The following CNTNAP2 variants were observed in gnomAD, a reference collection of about 807,000 sequenced individuals.
The protein encoded by CNTNAP2 is contactin-associated protein-like 2.
Under a neutral mutation model 155.2 loss-of-function variants are expected in CNTNAP2, and 98 were observed. The observed-to-expected ratio is 0.63, with a 90% CI of 0.54 to 0.75. The LOEUF (loss-of-function observed/expected upper bound fraction) is 0.75, where lower values mean the gene tolerates loss of function less well. Among genes scored for constraint, CNTNAP2 ranks in the 30% least tolerant of loss-of-function variants. The pLI, the probability that CNTNAP2 is intolerant of heterozygous loss-of-function variation, is 0.00. For synonymous variants in CNTNAP2, 651 were observed against 631.2 expected, an observed-to-expected ratio of 1.03 and a Z score of -0.47; for missense variants, 1,727 against 1,688.1, an observed-to-expected ratio of 1.02 and a Z score of -0.40.
intron 8 of CNTNAP2, among the ~76,000 whole-genome samples, chr7:147,211,163 C>T (rs976587429): frequency 6.6e-6 from 1 of 151,900 alleles, no homozygotes; most frequent in Admixed American, 6.6e-5. Flanking sequence ...AGTCAAATGT[C>T]AAATTTAAGT....
chr7:147,175,349 C>G (rs1244025311), intron 8 of CNTNAP2, among the ~76,000 whole-genome samples: 2 of 151,898 alleles, frequency 1.3e-5, no homozygotes, highest in African/African-American at 4.8e-5. Context: ...CTAGACTACT[C>G]TGGCCTGAAG....
At chr7:146,355,372 G>T (rs1794983345) in intron 1 of CNTNAP2, among the ~76,000 whole-genome samples, 1 of 152,098 alleles carries the variant, frequency 6.6e-6, no homozygotes, top group East Asian at 1.9e-4. Context: ...AACAGCATGG[G>T]GTTCCAATAA....
chr7:146,822,904 C>T (rs1803318383), intron 2 of CNTNAP2, among the ~76,000 whole-genome samples: 1 of 145,136 alleles, frequency 6.9e-6, no homozygotes, highest in Non-Finnish European at 1.5e-5. Context: ...TGGAAATATA[C>T]TCATTCTTCA....
chr7:148,019,072 C>T lies in CNTNAP2; in HGVS notation c.2383+41083C>T, dbSNP rs532790922. On this transcript the variant is annotated intron_variant, in intron 15 of 23. Coordinates refer to ENST00000361727, the MANE Select transcript of CNTNAP2 (RefSeq NM_014141.6). ...TGCCTCTCCCACAGCCTGGTACAGT[C>T]AGCTATAGAGTTCAGCCCTGAATAC... Among the ~76,000 whole-genome samples the T allele has an allele frequency of 2.0e-3, 301 of 152,272 alleles. 11 individuals are homozygous for T. The South Asian group carries it at 0.057, about 29-fold the overall frequency.
intron 15 of CNTNAP2, among the ~76,000 whole-genome samples, chr7:148,021,693 A>G (rs1802281641): frequency 6.6e-6 from 1 of 152,212 alleles, no homozygotes; most frequent in African/African-American, 2.4e-5. Context: ...CTTGGAACAG[A>G]GAATGCAGAC....
In CNTNAP2 at chr7:146,305,924, CAAAATACCCTTCAA is replaced by C. The variant is rs369874206; in HGVS notation, c.97+188957_97+188970del. On this transcript the variant is annotated intron_variant, in intron 1 of 23. Transcript: ENST00000361727. ...AGCAGAACTGAAGGAGATAGAGACACAAAATACCCTTCAAAAAATCAATGAATCCAGGAGCTGGT... is the reference window on the plus strand; with the variant it reads ...AGCAGAACTGAAGGAGATAGAGACACAAAATCAATGAATCCAGGAGCTGGT... 3.9e-5 allele frequency among the ~76,000 whole-genome samples: 6 copies of C among 152,040 alleles called. No individual in the cohort carries two copies. In the East Asian group the frequency reaches 1.2e-3, roughly 29 times the overall value.
At position 147,423,840 on chromosome 7, in the gene CNTNAP2, T is replaced by A. The variant is rs557219352; in HGVS notation, c.1670+28060T>A. Among the ~76,000 whole-genome samples the A allele has an allele frequency of 6.6e-4, 100 of 152,322 alleles. No individual in the cohort carries two copies. In the South Asian group the frequency reaches 0.02, roughly 31 times the overall value. Reference sequence around the variant, plus strand: ...TAACAAAAGTTACATCTATGTCTTGTTCACTCATGTGCTCACTTCCCTTCC... The same window carrying A: ...TAACAAAAGTTACATCTATGTCTTGATCACTCATGTGCTCACTTCCCTTCC... On this transcript the variant is annotated intron_variant, in intron 10 of 23. Transcript: ENST00000361727.
At chr7:147,539,442 T>C (rs562977316) in intron 11 of CNTNAP2, among the ~76,000 whole-genome samples, 1 of 152,274 alleles carries the variant, frequency 6.6e-6, no homozygotes, top group East Asian at 1.9e-4. Flanking sequence ...CTATTTTGGC[T>C]TCAAAGTCCA....
intron 1 of CNTNAP2, among the ~76,000 whole-genome samples, chr7:146,683,275 T>C (rs958375352): frequency 1.3e-5 from 2 of 152,066 alleles, no homozygotes; most frequent in African/African-American, 4.8e-5. Flanking sequence ...TCAGGTGATA[T>C]GCCTGCCTCG....
At chr7:146,150,968 G>A (rs1425651642) in intron 1 of CNTNAP2, among the ~76,000 whole-genome samples, 2 of 152,080 alleles carry the variant, frequency 1.3e-5, no homozygotes, top group East Asian at 3.9e-4. Flanking sequence ...GGCTGAAGAG[G>A]CCTCAGGAAA....
intron 13 of CNTNAP2, among the ~76,000 whole-genome samples, chr7:147,791,453 C>T (rs851696): frequency 0.042 from 5,170 of 123,296 alleles, 388 homozygotes; most frequent in African/African-American, 0.15. Flanking sequence ...CTCTCTCTCT[C>T]TTTTTTTTTT....
intron 3 of CNTNAP2, among the ~76,000 whole-genome samples, chr7:146,896,744 C>A (rs1032152838): frequency 2.6e-5 from 4 of 152,046 alleles, no homozygotes. Context: ...TTAAATAATT[C>A]TGATAATTAG....
Position 147,562,083 on chromosome 7 carries a change from C to G in CNTNAP2, c.1778-55C>G. 3.7e-6 allele frequency: 6 copies of G among 1,611,900 alleles called. 1 individual carries two copies. The South Asian group carries it at 6.6e-5, about 18-fold the overall frequency. ...TGCAATATGCCACTGGGACATTTAT[C>G]TGGGGAGCCATTTGTTCTGTGCTGT... is the stretch of plus-strand genomic sequence containing the variant. On this transcript the variant is annotated intron_variant, in intron 11 of 23. Coordinates refer to ENST00000361727, the MANE Select transcript of CNTNAP2 (RefSeq NM_014141.6).
intron 9 of CNTNAP2, among the ~76,000 whole-genome samples, chr7:147,386,437 C>A (rs1796626929): frequency 6.6e-6 from 1 of 152,140 alleles, no homozygotes; most frequent in Non-Finnish European, 1.5e-5. Context: ...ACGCATTCAC[C>A]CCTCAAATGC....
chr7:147,413,160 A>G (rs34959888), intron 10 of CNTNAP2, among the ~76,000 whole-genome samples: 26,616 of 152,226 alleles, frequency 0.17, 2,950 homozygotes, highest in Non-Finnish European at 0.25. Flanking sequence ...ATAATGGCTT[A>G]GAGTCAAGGA....
chr7:146,190,190 A>G (rs943711038), intron 1 of CNTNAP2, among the ~76,000 whole-genome samples: 1 of 152,160 alleles, frequency 6.6e-6, no homozygotes, highest in Non-Finnish European at 1.5e-5. Flanking sequence ...CTGAACATTC[A>G]TTTCTACTGC....
chr7:146,629,280 G>A (rs568732923), intron 1 of CNTNAP2, among the ~76,000 whole-genome samples: 7 of 152,054 alleles, frequency 4.6e-5, no homozygotes, highest in Admixed American at 1.3e-4. Context: ...ATTTAGAAAC[G>A]GGCTAATGTA....
chr7:146,793,972 G>A (rs1174479989), intron 2 of CNTNAP2, among the ~76,000 whole-genome samples: 1 of 152,214 alleles, frequency 6.6e-6, no homozygotes, highest in Non-Finnish European at 1.5e-5. Flanking sequence ...TTGAGATTAT[G>A]TTGGGGTATG....
intron 13 of CNTNAP2, among the ~76,000 whole-genome samples, chr7:147,786,773 G>C (rs1171787460): frequency 6.6e-6 from 1 of 152,130 alleles, no homozygotes; most frequent in Admixed American, 6.5e-5. Flanking sequence ...TTCAAGACCA[G>C]CCTGGGCCAC....
Sources: allele counts gnomAD v4.1 joint callset (sites outside exome capture counted in the v4.1 genomes callset), GRCh38; gene constraint gnomAD v4.1.1; transcripts MANE v1.5; gene names NCBI Gene and HGNC (gene_info 2026-07-23, HGNC 2026-07-21).